Variants in WDR19 observed in about 807,000 individuals in gnomAD.
The protein encoded by WDR19 is WD repeat-containing protein 19.
WDR19 carries 121 observed loss-of-function variants against 180.0 expected under a neutral mutation model. The ratio of observed to expected loss-of-function variants is 0.67; its 90% CI spans 0.58 to 0.78. The LOEUF (loss-of-function observed/expected upper bound fraction) is 0.78, where lower values mean the gene tolerates loss of function less well. WDR19 is among the 30% of genes least tolerant of loss of function. The pLI, the probability that WDR19 is intolerant of heterozygous loss-of-function variation, is 0.00. For missense variants in WDR19, 1,450 were observed against 1,640.7 expected, an observed-to-expected ratio of 0.88 and a Z score of 2.01; for synonymous variants, 497 against 540.7, an observed-to-expected ratio of 0.92 and a Z score of 1.12.
At chr4:39,233,813 G>T (rs1039148418) in intron 19 of WDR19, among the ~76,000 whole-genome samples, 1 of 152,194 alleles carries the variant, frequency 6.6e-6, no homozygotes, top group Non-Finnish European at 1.5e-5. Flanking sequence ...TGACTGAGGG[G>T]AAATATATCA....
At chr4:39,260,960 G>A (rs1235318049) in intron 28 of WDR19, among the ~76,000 whole-genome samples, 2 of 152,014 alleles carry the variant, frequency 1.3e-5, no homozygotes, top group Non-Finnish European at 2.9e-5. Flanking sequence ...GATGTAGGGG[G>A]ACACAAACAG....
At chr4:39,231,241 G>T (rs545062755) in intron 17 of WDR19, among the ~76,000 whole-genome samples, 1 of 151,100 alleles carries the variant, frequency 6.6e-6, no homozygotes. Context: ...AACCCAGGAG[G>T]CCGAGGTTGC....
At chr4:39,201,564 T>C (rs917104973) in intron 6 of WDR19, among the ~76,000 whole-genome samples, 2 of 152,250 alleles carry the variant, frequency 1.3e-5, no homozygotes, top group Non-Finnish European at 2.9e-5. Context: ...GAGGTTTTGA[T>C]TGGGCATTTT....
intron 24 of WDR19, 115 bp from the exon 25 acceptor site, chr4:39,253,031 A>C: frequency 3.0e-6 from 3 of 1,013,392 alleles, no homozygotes; most frequent in Non-Finnish European, 4.1e-6. Flanking sequence ...AAAGAAGTTC[A>C]GGAAAAATAA....
intron 36 of WDR19, among the ~76,000 whole-genome samples, chr4:39,284,836 C>T (rs973516720): frequency 8.5e-5 from 13 of 152,140 alleles, no homozygotes; most frequent in African/African-American, 2.9e-4. Context: ...CATGGTACAT[C>T]ATAGCTCCTT....
chr4:39,187,141 C>G (rs1330262510), intron 3 of WDR19, among the ~76,000 whole-genome samples: 1 of 152,068 alleles, frequency 6.6e-6, no homozygotes, highest in East Asian at 1.9e-4. Flanking sequence ...TGTATAAAGG[C>G]TGTGTGTGGT....
At chr4:39,257,442 G>T in intron 27 of WDR19, 44 bp from the exon 28 acceptor site, 1 of 1,534,876 alleles carries the variant, frequency 6.5e-7, no homozygotes, top group Non-Finnish European at 8.8e-7. Flanking sequence ...TCCCTAATGT[G>T]AAAACATTCT....
At chr4:39,235,620 A>G (rs1215943649) in intron 20 of WDR19, among the ~76,000 whole-genome samples, 1 of 152,192 alleles carries the variant, frequency 6.6e-6, no homozygotes, top group African/African-American at 2.4e-5. Flanking sequence ...GTTTTTTCTA[A>G]CAAAAGTAGA....
intron 17 of WDR19, among the ~76,000 whole-genome samples, chr4:39,230,400 G>T (rs919927511): frequency 3.9e-5 from 6 of 152,138 alleles, no homozygotes; most frequent in Admixed American, 6.6e-5. Context: ...GGGTCTTTCT[G>T]ATGTGTTGCC....
chr4:39,239,338 A>G (rs1019010230), intron 20 of WDR19, among the ~76,000 whole-genome samples: 1 of 152,058 alleles, frequency 6.6e-6, no homozygotes, highest in Admixed American at 6.6e-5. Context: ...CAGAGCCCTC[A>G]GTACTGTAAT....
At chr4:39,266,520 T>C (rs918061783) in intron 29 of WDR19, among the ~76,000 whole-genome samples, 34 of 152,248 alleles carry the variant, frequency 2.2e-4, no homozygotes, top group Admixed American at 2.2e-3. Context: ...CCCTGCGTTT[T>C]GGAGGATAAC....
chr4:39,275,355 A>G, intron 33 of WDR19: 1 of 275,582 alleles, frequency 3.6e-6, no homozygotes, highest in South Asian at 4.0e-5. Flanking sequence ...AAAAAAAAAA[A>G]AGATGGGCAT....
intron 14 of WDR19, among the ~76,000 whole-genome samples, chr4:39,220,006 C>G (rs965330364): frequency 2.0e-5 from 3 of 151,992 alleles, no homozygotes; most frequent in Non-Finnish European, 4.4e-5. Context: ...ATTGCTTGAG[C>G]TTAGGAGTTC....
chr4:39,210,475 G>A (rs1728375131), intron 9 of WDR19, among the ~76,000 whole-genome samples: 2 of 152,212 alleles, frequency 1.3e-5, no homozygotes. Flanking sequence ...CTGAAGCTAG[G>A]AGTTCGAGAC....
chr4:39,228,804 ATTTT>A (rs869038750), intron 17 of WDR19, 114 bp downstream of exon 17: 1 of 963,612 alleles, frequency 1.0e-6, no homozygotes, highest in African/African-American at 1.7e-5. Flanking sequence ...CCTTGCAAGA[ATTTT>A]TTTTTTTTTT....
chr4:39,186,550 T>C lies in WDR19; in HGVS notation c.110T>C (p.Ile37Thr). Residue 37 changes from isoleucine to threonine, a missense_variant, in exon 3 of 37, where the codon ATT becomes ACT. By Grantham distance (89) the Ile-to-Thr change is moderately conservative. Transcript: ENST00000399820. ...CTGATTGCTTTCAGAGCTGATTATATTGTGAAAATCTTTGATCGCCATGGT... is the reference window on the plus strand; with the variant it reads ...CTGATTGCTTTCAGAGCTGATTATACTGTGAAAATCTTTGATCGCCATGGT... ...NYLAVTGADY[I>T]VKIFDRHGQK... is the part of the protein sequence containing the mutation. 1 of 1,583,600 alleles carries C rather than the reference T, an allele frequency of 6.3e-7. No homozygotes were observed. Among genetic ancestry groups the C allele is most frequent in the South Asian group, 1.2e-5 (1 of 83,820 alleles).
chr4:39,245,434 C>T lies in WDR19; in HGVS notation c.2711C>T (p.Ala904Val). Residue 904 changes from alanine to valine, a missense_variant, in exon 24 of 37, where the codon GCC becomes GTC. Transcript: ENST00000399820. ...SPKIHLQYAK[A>V]KEADGRYKEA... ...AAGATCCATTTGCAGTATGCCAAAG[C>T]CAAGGAAGCAGATGGAAGGTTTGTA... The T allele has an allele frequency of 6.2e-7, 1 of 1,613,624 alleles. No individual in the cohort carries two copies. Among genetic ancestry groups the T allele is most frequent in the Non-Finnish European group, 8.5e-7 (1 of 1,179,760 alleles).
chr4:39,184,267 G>A (rs544606764), intron 1 of WDR19, among the ~76,000 whole-genome samples: 16 of 151,866 alleles, frequency 1.1e-4, no homozygotes, highest in African/African-American at 3.4e-4. Context: ...AAAATTAGCC[G>A]GGCGTGGTAG....
intron 4 of WDR19, among the ~76,000 whole-genome samples, chr4:39,193,494 C>T (rs1437133392): frequency 6.6e-6 from 1 of 152,080 alleles, no homozygotes; most frequent in African/African-American, 2.4e-5. Context: ...TTATTATATG[C>T]TTCTATTATT....
Sources: allele counts gnomAD v4.1 joint callset (sites outside exome capture counted in the v4.1 genomes callset), GRCh38; gene constraint gnomAD v4.1.1; transcripts MANE v1.5; gene names NCBI Gene and HGNC (gene_info 2026-07-23, HGNC 2026-07-21).